SLC39A8: variants seen among roughly 807,000 people sequenced by gnomAD.
SLC39A8 encodes metal cation symporter ZIP8.
Under a neutral mutation model 40.4 loss-of-function variants are expected in SLC39A8, and 15 were observed. That is an observed-to-expected ratio of 0.37 (90% CI 0.25 to 0.57). The LOEUF (loss-of-function observed/expected upper bound fraction) is 0.57. Ranked by LOEUF, SLC39A8 falls within the 20% of genes least tolerant of loss-of-function variation. The probability of loss-of-function intolerance (pLI) is 0.75; values close to 1 mark genes in which losing one functional copy is unlikely to be tolerated. For missense variants in SLC39A8, 472 were observed against 558.8 expected (o/e 0.84, Z 1.57); for synonymous variants, 223 against 221.6 (o/e 1.01, Z -0.06).
intron 2 of SLC39A8, among the ~76,000 whole-genome samples, chr4:102,331,394 C>A (rs370397356): frequency 4.6e-5 from 7 of 152,136 alleles, no homozygotes; most frequent in Non-Finnish European, 8.8e-5. Flanking sequence ...AGAGCCAAAT[C>A]GTGAGTGAAC....
chr4:102,264,445 A>G (rs1313062456), intron 8 of SLC39A8, among the ~76,000 whole-genome samples: 1 of 152,234 alleles, frequency 6.6e-6, no homozygotes, highest in Non-Finnish European at 1.5e-5. Flanking sequence ...GTTATCATCC[A>G]GGCTGTGTTG....
Position 102,265,508 on chromosome 4 carries a change from A to G in SLC39A8, c.1233+1982T>C, listed in dbSNP as rs1053570210. 2.0e-5 allele frequency among the ~76,000 whole-genome samples: 3 copies of G among 152,362 alleles called. No homozygotes were observed. In the South Asian group the frequency reaches 6.2e-4, roughly 32 times the overall value. On this transcript the variant is annotated intron_variant, in intron 8 of 8. Coordinates refer to ENST00000356736, the MANE Select transcript of SLC39A8 (RefSeq NM_001135146.2). ...TAAAAATTAACAAAATGTGACAGAG[A>G]CAGGAAATAAGCCCATGCTATTCAA...
chr4:102,319,892 C>G (rs1001802151), intron 2 of SLC39A8, among the ~76,000 whole-genome samples: 1 of 151,868 alleles, frequency 6.6e-6, no homozygotes, highest in Non-Finnish European at 1.5e-5. Context: ...CAGTGTGAGT[C>G]CAACCCATTG....
chr4:102,259,521 G>C, downstream of SLC39A8: 1 of 1,535,046 alleles, frequency 6.5e-7, no homozygotes, highest in Non-Finnish European at 8.8e-7. Flanking sequence ...TTATCTACAA[G>C]AATCAGATAA....
intron 6 of SLC39A8, among the ~76,000 whole-genome samples, chr4:102,289,649 C>T (rs1355315565): frequency 6.6e-6 from 1 of 151,986 alleles, no homozygotes; most frequent in Non-Finnish European, 1.5e-5. Context: ...GAAGTTGATT[C>T]CAACCTTCAT....
intron 6 of SLC39A8, among the ~76,000 whole-genome samples, chr4:102,282,145 C>T (rs1732915059): frequency 6.6e-6 from 1 of 152,168 alleles, no homozygotes; most frequent in African/African-American, 2.4e-5. Context: ...TTTGAGCCTC[C>T]ATGCCAAAGA....
At chr4:102,273,922 C>T (rs553449593) in intron 6 of SLC39A8, among the ~76,000 whole-genome samples, 3 of 152,156 alleles carry the variant, frequency 2.0e-5, no homozygotes, top group African/African-American at 7.2e-5. Flanking sequence ...AAAGAACGGC[C>T]ACTCAAAAAC....
At chr4:102,277,483 T>A (rs552383571) in intron 6 of SLC39A8, among the ~76,000 whole-genome samples, 12 of 152,180 alleles carry the variant, frequency 7.9e-5, no homozygotes, top group African/African-American at 1.7e-4. Context: ...CTCAACAAAA[T>A]AAGAGAGGAC....
At chr4:102,337,890 C>T (rs1041524800) in intron 2 of SLC39A8, among the ~76,000 whole-genome samples, 4 of 152,108 alleles carry the variant, frequency 2.6e-5, no homozygotes, top group Admixed American at 2.0e-4. Context: ...ATTTCATCCT[C>T]TAAAAAAGAA....
At position 102,262,829 on chromosome 4, in the gene SLC39A8, C is replaced by T; in HGVS notation, c.*215G>A. 7.5e-7 allele frequency: 1 copy of T among 1,328,272 alleles called. No individual in the cohort carries two copies. Among genetic ancestry groups the T allele is most frequent in the Non-Finnish European group, 9.6e-7 (1 of 1,040,894 alleles). The allele number at this position is 1,328,272 out of a possible 1,614,324, so 82.3% of individuals were successfully genotyped here. On this transcript the variant is annotated 3_prime_UTR_variant, in exon 9 of 9. Coordinates refer to ENST00000356736, the MANE Select transcript of SLC39A8 (RefSeq NM_001135146.2). The stretch of plus-strand genomic sequence containing the variant: ...GGTATTTCCCAAAGGCTCCTATATA[C>T]CAGGCATCTCAGACTGACACTGAAA...
intron 8 of SLC39A8, among the ~76,000 whole-genome samples, chr4:102,264,825 T>G (rs938713466): frequency 6.6e-5 from 10 of 152,252 alleles, no homozygotes; most frequent in African/African-American, 1.9e-4. Flanking sequence ...TTAAACCTAA[T>G]GAATACACCT....
intron 6 of SLC39A8, among the ~76,000 whole-genome samples, chr4:102,274,668 G>C (rs749960342): frequency 6.6e-6 from 1 of 152,082 alleles, no homozygotes; most frequent in African/African-American, 2.4e-5. Context: ...ACCAAGGTTG[G>C]AATGCAGGAA....
chr4:102,323,896 G>A (rs1735074241), intron 2 of SLC39A8, among the ~76,000 whole-genome samples: 1 of 152,172 alleles, frequency 6.6e-6, no homozygotes, highest in Non-Finnish European at 1.5e-5. Context: ...GCCCCTAATA[G>A]TGAGTTGAAA....
Position 102,290,685 on chromosome 4 carries a change from ACTG to A in SLC39A8, c.840+13629_840+13631del, listed in dbSNP as rs535339099. ...CAATTTGGCCCCTGAAAATGAGGAC[ACTG>A]GCTCAGGGCTGAGGATTCTGACTTT... On this transcript the variant is annotated intron_variant, in intron 6 of 8. Coordinates refer to ENST00000356736, the MANE Select transcript of SLC39A8 (RefSeq NM_001135146.2). Among the ~76,000 whole-genome samples, 1,123 of 152,224 alleles carry A rather than the reference ACTG, an allele frequency of 7.4e-3. 21 individuals are homozygous for A. The highest frequency in any genetic ancestry group is 0.025 in the African/African-American group (1,053 of 41,556).
chr4:102,341,818 C>G (rs1314926357), intron 2 of SLC39A8, among the ~76,000 whole-genome samples: 1 of 152,172 alleles, frequency 6.6e-6, no homozygotes, highest in Admixed American at 6.5e-5. Context: ...AGTCTATTAC[C>G]TGAGAAAAGC....
At chr4:102,324,545 G>A (rs1735115929) in intron 2 of SLC39A8, among the ~76,000 whole-genome samples, 1 of 151,878 alleles carries the variant, frequency 6.6e-6, no homozygotes, top group Non-Finnish European at 1.5e-5. Context: ...AACCATTTTT[G>A]CAGTTGGCTC....
intron 6 of SLC39A8, among the ~76,000 whole-genome samples, chr4:102,298,324 G>A (rs1336684928): frequency 6.6e-6 from 1 of 151,960 alleles, no homozygotes; most frequent in Admixed American, 6.6e-5. Context: ...CCAGGGCAGG[G>A]ATGCTCTGAG....
At chr4:102,261,133 G>A (rs1731837048), downstream of SLC39A8, among the ~76,000 whole-genome samples, 1 of 50,074 alleles carries the variant, frequency 2.0e-5, no homozygotes, top group Non-Finnish European at 3.8e-5. Flanking sequence ...CATCAGTGTT[G>A]GAGAATCTTT....
At chr4:102,281,205 A>C (rs1732852986) in intron 6 of SLC39A8, among the ~76,000 whole-genome samples, 2 of 152,212 alleles carry the variant, frequency 1.3e-5, no homozygotes, top group Admixed American at 1.3e-4. Context: ...TTCAGGAGGC[A>C]CCAGGAAATT....
Sources: allele counts gnomAD v4.1 joint callset (sites outside exome capture counted in the v4.1 genomes callset), GRCh38; gene constraint gnomAD v4.1.1; transcripts MANE v1.5; gene names NCBI Gene and HGNC (gene_info 2026-07-23, HGNC 2026-07-21).